The following CHTF8 variants were observed in gnomAD, a reference collection of about 807,000 sequenced individuals.
CHTF8 encodes chromosome transmission fidelity protein 8 homolog.
Under a neutral mutation model 11.0 loss-of-function variants are expected in CHTF8, and 6 were observed. The ratio of observed to expected loss-of-function variants is 0.55; its 90% CI spans 0.30 to 1.08. The LOEUF (loss-of-function observed/expected upper bound fraction) is 1.08. Ranked by LOEUF, CHTF8 falls within the 50% of genes least tolerant of loss-of-function variation. The pLI, the probability that CHTF8 is intolerant of heterozygous loss-of-function variation, is 0.07. For missense variants in CHTF8, 140 were observed against 153.1 expected, an observed-to-expected ratio of 0.91 and a Z score of 0.45; for synonymous variants, 53 against 60.5, an observed-to-expected ratio of 0.88 and a Z score of 0.57.
Position 69,132,480 on chromosome 16 carries a change from T to C in CHTF8, c.-36+4A>G, listed in dbSNP as rs1962627525. The C allele has an allele frequency of 4.1e-6, 1 of 246,586 alleles. No homozygotes were observed. Among genetic ancestry groups the C allele is most frequent in the Admixed American group, 6.0e-5 (1 of 16,736 alleles). The allele number at this position is 246,586 out of a possible 1,614,324, so 15.3% of individuals were successfully genotyped here. The stretch of plus-strand genomic sequence containing the variant: ...CCTCCCGTGCCCCCCGCCCGCGGCC[T>C]GACCTGCAATGGCGGCCGCCGAGCG... On this transcript the variant is annotated splice_donor_region_variant and intron_variant, in intron 1 of 3. Transcript: ENST00000448552.
In CHTF8 at chr16:69,120,052, C is replaced by T. The variant is rs1242507561; in HGVS notation, c.*373G>A. On this transcript the variant is annotated 3_prime_UTR_variant, in exon 4 of 4. Coordinates refer to ENST00000448552, the MANE Select transcript of CHTF8 (RefSeq NM_001039690.5). This position sits in a 1 kb window ranked among gnomAD's most constrained non-coding sequence, Gnocchi z 4.0. ...CCCTGTCCTAGGGTTTAGGGTGGGG[C>T]CTGGGCCTGGGCCTGGCCCCAAGAG... The T allele has an allele frequency of 4.4e-6, 3 of 687,202 alleles. No homozygotes were observed. Among genetic ancestry groups the T allele is most frequent in the Non-Finnish European group, 5.3e-6 (2 of 379,170 alleles). The allele number at this position is 687,202 out of a possible 1,614,324, so 42.6% of individuals were successfully genotyped here. A position where few individuals can be genotyped will look rare whatever the true frequency, so the allele number is the denominator to read the frequency against.
chr16:69,122,844 ATT>A (rs746641286), intron 1 of CHTF8, among the ~76,000 whole-genome samples: 46 of 149,886 alleles, frequency 3.1e-4, no homozygotes, highest in Non-Finnish European at 6.2e-4. Context: ...ACCTGGCTTA[ATT>A]TTTGTTATTT....
Position 69,120,398 on chromosome 16 carries a change from G to T in CHTF8, c.*27C>A. On this transcript the variant is annotated 3_prime_UTR_variant, in exon 4 of 4. Coordinates refer to ENST00000448552, the MANE Select transcript of CHTF8 (RefSeq NM_001039690.5). The surrounding 1 kb of genome is among the most constrained non-coding windows in gnomAD (Gnocchi z 4.0). ...GGAGCACGAGTCCAAGGAGTTGGCC[G>T]CTCTCTAGGGAAAATCCGAGGTTCT... 6.2e-7 allele frequency: 1 copy of T among 1,609,188 alleles called. No homozygotes were observed. The highest frequency in any genetic ancestry group is 8.5e-7 in the Non-Finnish European group (1 of 1,175,550).
In CHTF8 at chr16:69,118,137, T is replaced by TC; in HGVS notation, c.*2287_*2288insG. 1.2e-5 allele frequency: 1 copy of TC among 86,126 alleles called. No homozygotes were observed. The highest frequency in any genetic ancestry group is 2.4e-5 in the Non-Finnish European group (1 of 42,042). The allele number at this position is 86,126 out of a possible 1,614,324, so 5.3% of individuals were successfully genotyped here. On this transcript the variant is annotated 3_prime_UTR_variant, in exon 4 of 4. Coordinates refer to ENST00000448552, the MANE Select transcript of CHTF8 (RefSeq NM_001039690.5). Reference sequence around the variant, plus strand: ...TTCCCTTCATCCCCCACCCCCACCCTAATTCCCATATTCCCATCCACATCA... The same window carrying TC: ...TTCCCTTCATCCCCCACCCCCACCCTCAATTCCCATATTCCCATCCACATCA...
rs138706531 is a variant in CHTF8, at chr16:69,118,445, G to A, written c.*1980C>T. The A allele has an allele frequency of 3.7e-5, 60 of 1,608,504 alleles. No homozygotes were observed. The highest frequency in any genetic ancestry group is 3.3e-4 in the Middle Eastern group (2 of 6,068). The stretch of plus-strand genomic sequence containing the variant: ...AGCATGGTCCGTTCACCAACGCCAC[G>A]TTTCTAGAGAGCAGTGAGCTGATTC... On this transcript the variant is annotated 3_prime_UTR_variant, in exon 4 of 4. Transcript: ENST00000448552.
intron 1 of CHTF8, among the ~76,000 whole-genome samples, chr16:69,123,945 A>AC (rs1010313163): frequency 8.6e-5 from 13 of 150,944 alleles, no homozygotes; most frequent in African/African-American, 2.4e-4. Context: ...AAAAAAAAAA[A>AC]AACAAAAAAT....
At chr16:69,126,131 G>T (rs888213976) in intron 1 of CHTF8, among the ~76,000 whole-genome samples, 3 of 152,184 alleles carry the variant, frequency 2.0e-5, no homozygotes. Flanking sequence ...GGGTACAAGT[G>T]ACAGTAAAAT....
intron 1 of CHTF8, among the ~76,000 whole-genome samples, chr16:69,130,430 G>A (rs1962415712): frequency 1.3e-5 from 2 of 151,446 alleles, no homozygotes; most frequent in East Asian, 3.9e-4. Flanking sequence ...TCTATTTTTT[G>A]CTAGGCCAAC....
intron 1 of CHTF8, among the ~76,000 whole-genome samples, chr16:69,122,770 G>A (rs1477568037): frequency 6.6e-6 from 1 of 152,048 alleles, no homozygotes; most frequent in African/African-American, 2.4e-5. Context: ...TCGAACTCCT[G>A]ACTTCAGGTT....
chr16:69,122,597 G>A (rs937130338), intron 1 of CHTF8, among the ~76,000 whole-genome samples: 1 of 150,214 alleles, frequency 6.7e-6, no homozygotes, highest in Non-Finnish European at 1.5e-5. Context: ...CTGGAGTGCA[G>A]TGGCATGATC....
At chr16:69,123,071 C>T (rs556576855) in intron 1 of CHTF8, among the ~76,000 whole-genome samples, 1 of 152,136 alleles carries the variant, frequency 6.6e-6, no homozygotes, top group East Asian at 1.9e-4. Context: ...TTACTTTTTT[C>T]TTCTTTTGAG....
At chr16:69,128,683 A>G (rs1962268424) in intron 1 of CHTF8, among the ~76,000 whole-genome samples, 1 of 152,130 alleles carries the variant, frequency 6.6e-6, no homozygotes, top group South Asian at 2.1e-4. Flanking sequence ...CAAAACTAAA[A>G]AGCTTTGGCT....
At chr16:69,128,082 T>C (rs1387695347) in intron 1 of CHTF8, among the ~76,000 whole-genome samples, 1 of 151,926 alleles carries the variant, frequency 6.6e-6, no homozygotes, top group Non-Finnish European at 1.5e-5. Context: ...GCCTTGCTGA[T>C]TTTTGTATTT....
intron 1 of CHTF8, chr16:69,132,209 C>T (rs1406939757): frequency 6.6e-6 from 1 of 152,428 alleles, no homozygotes; most frequent in African/African-American, 2.5e-5. Context: ...TCCGTCTCCA[C>T]ACCGCTCCCT....
In CHTF8 at chr16:69,118,133, A is replaced by AATTC; in HGVS notation, c.*2291_*2292insGAAT. 1 of 148,006 alleles carries AATTC rather than the reference A, an allele frequency of 6.8e-6. No homozygotes were observed. The highest frequency in any genetic ancestry group is 1.3e-5 in the Non-Finnish European group (1 of 75,086). The allele number at this position is 148,006 out of a possible 1,614,324, so 9.2% of individuals were successfully genotyped here. ...TTTCTTCCCTTCATCCCCCACCCCC[A>AATTC]CCCTAATTCCCATATTCCCATCCAC... On this transcript the variant is annotated 3_prime_UTR_variant, in exon 4 of 4. Coordinates refer to ENST00000448552, the MANE Select transcript of CHTF8 (RefSeq NM_001039690.5).
At position 69,120,708 on chromosome 16, in the gene CHTF8, C is replaced by G. The variant is rs868453862; in HGVS notation, c.142-59G>C. ...CCGGGGCAAGGCCATAACACTCAGG[C>G]GCCTCCTAAAGCTGCTCTTGGCAGG... On this transcript the variant is annotated intron_variant, in intron 3 of 3. Coordinates refer to ENST00000448552, the MANE Select transcript of CHTF8 (RefSeq NM_001039690.5). The surrounding 1 kb of genome is among the most constrained non-coding windows in gnomAD (Gnocchi z 4.0). 2.1e-6 allele frequency: 3 copies of G among 1,459,994 alleles called. No individual in the cohort carries two copies. Among genetic ancestry groups the G allele is most frequent in the Non-Finnish European group, 2.8e-6 (3 of 1,056,344 alleles). The allele number at this position is 1,459,994 out of a possible 1,614,324, so 90.4% of individuals were successfully genotyped here. A position where few individuals can be genotyped will look rare whatever the true frequency, so the allele number is the denominator to read the frequency against.
chr16:69,124,642 T>C (rs890099655), intron 1 of CHTF8, among the ~76,000 whole-genome samples: 3 of 151,996 alleles, frequency 2.0e-5, no homozygotes, highest in Admixed American at 6.6e-5. Flanking sequence ...CCCAAAGTAC[T>C]GTGTTTACAG....
intron 1 of CHTF8, among the ~76,000 whole-genome samples, chr16:69,121,737 A>C (rs1477191464): frequency 2.0e-5 from 3 of 148,638 alleles, no homozygotes; most frequent in African/African-American, 7.5e-5. Context: ...GCACGATCTC[A>C]GCTCACTGCA....
intron 1 of CHTF8, among the ~76,000 whole-genome samples, chr16:69,127,081 T>TA (rs1469556673): frequency 6.6e-6 from 1 of 151,872 alleles, no homozygotes; most frequent in African/African-American, 2.4e-5. Flanking sequence ...CTACCAAAAA[T>TA]ACAAAAATTA....
Sources: allele counts gnomAD v4.1 joint callset (sites outside exome capture counted in the v4.1 genomes callset), GRCh38; gene constraint gnomAD v4.1.1; non-coding constraint Gnocchi (gnomAD v3.1); transcripts MANE v1.5; gene names NCBI Gene and HGNC (gene_info 2026-07-23, HGNC 2026-07-21).